HYAL4: variants seen among roughly 807,000 people sequenced by gnomAD.
HYAL4 encodes hyaluronidase-4.
A neutral mutation model predicts 35.2 loss-of-function variants in HYAL4; 37 were observed. That is an observed-to-expected ratio of 1.05 (90% CI 0.81 to 1.38). The LOEUF (loss-of-function observed/expected upper bound fraction) is 1.38. Ranked by LOEUF, HYAL4 falls within the 40% of genes most tolerant of loss-of-function variation. The pLI is 0.00. For missense variants in HYAL4, 572 were observed against 572.4 expected, an observed-to-expected ratio of 1.00 and a Z score of 0.01; for synonymous variants, 198 against 203.2, an observed-to-expected ratio of 0.97 and a Z score of 0.22.
chr7:123,771,596 A>C, the HYAL4 span, among the ~76,000 whole-genome samples: 1 of 152,164 alleles, frequency 6.6e-6, no homozygotes, highest in Non-Finnish European at 1.5e-5. Context: ...TTGCAATTTA[A>C]AACCTTTTAG....
chr7:123,776,344 C>T, the HYAL4 span, among the ~76,000 whole-genome samples: 24 of 152,272 alleles, frequency 1.6e-4, no homozygotes, highest in African/African-American at 4.6e-4. Context: ...GACATGCTGT[C>T]TCTTTCTTGA....
At chr7:123,875,747 A>G (rs577524216) in intron 4 of HYAL4, among the ~76,000 whole-genome samples, 2 of 151,550 alleles carry the variant, frequency 1.3e-5, no homozygotes, top group East Asian at 1.9e-4. Flanking sequence ...AAAGATTCCT[A>G]GTTTTCCCCA....
At chr7:123,782,488 C>A in the HYAL4 span, among the ~76,000 whole-genome samples, 1 of 151,656 alleles carries the variant, frequency 6.6e-6, no homozygotes, top group Non-Finnish European at 1.5e-5. Context: ...TATCTCTTGG[C>A]CATATTGATT....
the HYAL4 span, among the ~76,000 whole-genome samples, chr7:123,788,189 T>TTCCC: frequency 6.6e-6 from 1 of 152,170 alleles, no homozygotes; most frequent in African/African-American, 2.4e-5. Context: ...CTGGGCCTGG[T>TTCCC]GGCACACACC....
chr7:123,873,370 T>C (rs78083165), intron 3 of HYAL4, among the ~76,000 whole-genome samples: 2 of 151,538 alleles, frequency 1.3e-5, no homozygotes, highest in African/African-American at 2.4e-5. Context: ...CAAAATCTCT[T>C]TCCTTGTTGA....
At chr7:123,855,434 G>C (rs1444805091) in intron 2 of HYAL4, among the ~76,000 whole-genome samples, 1 of 152,030 alleles carries the variant, frequency 6.6e-6, no homozygotes, top group Non-Finnish European at 1.5e-5. Context: ...TTGTTTTAAA[G>C]GATTTTATTT....
At chr7:123,785,144 A>G in the HYAL4 span, among the ~76,000 whole-genome samples, 1 of 152,176 alleles carries the variant, frequency 6.6e-6, no homozygotes, top group East Asian at 1.9e-4. The surrounding 1 kb of genome is among the most constrained non-coding windows in gnomAD (Gnocchi z 4.5). Context: ...GGTTCACTGC[A>G]GCCTCCACTT....
chr7:123,764,110 G>A, the HYAL4 span, among the ~76,000 whole-genome samples: 1 of 152,178 alleles, frequency 6.6e-6, no homozygotes, highest in Admixed American at 6.5e-5. Context: ...AGGCTACTGA[G>A]TAGCTGGGAC....
At chr7:123,876,124 G>C in intron 4 of HYAL4, 1 of 446,290 alleles carries the variant, frequency 2.2e-6, no homozygotes, top group Non-Finnish European at 4.5e-6. Flanking sequence ...CACGTAATAG[G>C]AACCATATAC....
At chr7:123,865,628 G>A (rs566369817) in intron 2 of HYAL4, among the ~76,000 whole-genome samples, 6 of 152,222 alleles carry the variant, frequency 3.9e-5, no homozygotes, top group Admixed American at 3.9e-4. Flanking sequence ...AAATGTCTTT[G>A]GAGGAAGTTT....
chr7:123,769,821 G>GA, the HYAL4 span, among the ~76,000 whole-genome samples: 22,021 of 118,468 alleles, frequency 0.19, 2,141 homozygotes, highest in Middle Eastern at 0.32. Flanking sequence ...AAAGAGACTT[G>GA]AAAAAAAAAA....
chr7:123,813,314 A>G, the HYAL4 span, among the ~76,000 whole-genome samples: 9 of 152,324 alleles, frequency 5.9e-5, no homozygotes, highest in Admixed American at 5.9e-4. Context: ...GGAATGCATC[A>G]ACTATTAGAT....
the HYAL4 span, among the ~76,000 whole-genome samples, chr7:123,820,894 A>G: frequency 6.6e-6 from 1 of 152,196 alleles, no homozygotes; most frequent in Non-Finnish European, 1.5e-5. Context: ...AAGTAGAATC[A>G]TGTAGCATTT....
At chr7:123,777,722 T>C in the HYAL4 span, among the ~76,000 whole-genome samples, 1 of 152,164 alleles carries the variant, frequency 6.6e-6, no homozygotes, top group Non-Finnish European at 1.5e-5. Context: ...TGAACCACTT[T>C]TAGATGGTGT....
chr7:123,815,059 T>A, the HYAL4 span: 5 of 152,486 alleles, frequency 3.3e-5, no homozygotes, highest in Non-Finnish European at 7.4e-5. Flanking sequence ...CACTCACATT[T>A]AAAAAAAATG....
the HYAL4 span, among the ~76,000 whole-genome samples, chr7:123,790,130 C>A: frequency 6.6e-6 from 1 of 152,144 alleles, no homozygotes; most frequent in African/African-American, 2.4e-5. Context: ...TAGTTGCCCA[C>A]CCACATTAGC....
At chr7:123,826,296 A>T (rs961488877), upstream of HYAL4, among the ~76,000 whole-genome samples, 12 of 152,190 alleles carry the variant, frequency 7.9e-5, no homozygotes, top group African/African-American at 2.6e-4. Context: ...GAGTGGAAAA[A>T]TGACTGAGAA....
At position 123,850,702 on chromosome 7, in the gene HYAL4, G is replaced by GA. The variant is rs374649821; in HGVS notation, c.-52+2549dup. Among the ~76,000 whole-genome samples, 78 of 152,272 alleles carry GA rather than the reference G, an allele frequency of 5.1e-4. 1 individual carries two copies. The highest frequency in any genetic ancestry group is 1.8e-3 in the African/African-American group (76 of 41,542). On this transcript the variant is annotated intron_variant, in intron 2 of 4. Transcript: ENST00000223026. ...GTGCTCTGTCTTATCATGAATATGT[G>GA]AAAAATCTAAATCTCATTCTTCGAG...
At chr7:123,869,694 T>C (rs1050594463) in intron 3 of HYAL4, among the ~76,000 whole-genome samples, 4 of 152,016 alleles carry the variant, frequency 2.6e-5, no homozygotes, top group African/African-American at 9.7e-5. Flanking sequence ...TTGTTTTTTT[T>C]TTTTCTTCAA....
Sources: gnomAD v4.1 joint callset for allele counts (sites outside exome capture counted in the v4.1 genomes callset) on GRCh38, gnomAD v4.1.1 for gene constraint, Gnocchi (gnomAD v3.1) non-coding constraint, MANE v1.5 for transcripts, NCBI Gene and HGNC (gene_info 2026-07-23, HGNC 2026-07-21) for gene names.